Variants in PC observed in about 807,000 individuals in gnomAD.
PC encodes pyruvate carboxylase, mitochondrial.
Under a neutral mutation model 107.8 loss-of-function variants are expected in PC, and 46 were observed. The ratio of observed to expected loss-of-function variants is 0.43; its 90% confidence interval spans 0.34 to 0.55. The LOEUF is 0.55. Ranked by LOEUF, PC falls within the 20% of genes least tolerant of loss-of-function variation. The pLI is 0.04. For missense variants in PC, 1,241 were observed against 1,643.1 expected, an observed-to-expected ratio of 0.76 and a Z score of 4.23; for synonymous variants, 662 against 684.7, an observed-to-expected ratio of 0.97 and a Z score of 0.52.
At chr11:66,951,940 G>A (rs1397069977) in intron 3 of PC, among the ~76,000 whole-genome samples, 1 of 151,894 alleles carries the variant, frequency 6.6e-6, no homozygotes, top group Non-Finnish European at 1.5e-5. Context: ...GCACATGCCT[G>A]TAAAATGTGC....
Position 66,850,362 on chromosome 11 carries a change from G to A in PC, c.2576C>T (p.Ser859Leu). The change falls in exon 19 of 23, where the codon TCG (serine) becomes TTG (leucine). Residue 859 changes from serine to leucine, a missense_variant. Ser to Leu is a moderately radical substitution (Grantham distance 145). Transcript: ENST00000393960. The part of the protein sequence containing the change: ...DCTATMKSGN[S>L]DVYENEIPGG... ...TGGGATCTCATTTTCATACACGTCCGAGTTGCCAGACTTCATGGTGGCCGT... is the reference window on the plus strand; with the variant it reads ...TGGGATCTCATTTTCATACACGTCCAAGTTGCCAGACTTCATGGTGGCCGT... 2 of 1,614,082 alleles carry A rather than the reference G, an allele frequency of 1.2e-6. No homozygotes were observed. Among genetic ancestry groups the A allele is most frequent in the Non-Finnish European group, 1.7e-6 (2 of 1,180,022 alleles).
intron 3 of PC, among the ~76,000 whole-genome samples, chr11:66,939,672 C>T (rs1362225158): frequency 2.0e-5 from 3 of 151,802 alleles, no homozygotes; most frequent in Non-Finnish European, 2.9e-5. Flanking sequence ...GGTGTGGTGG[C>T]GCATGCCTGT....
rs943069904 is a variant in PC, at chr11:66,870,562, G to A, written c.752-109C>T. 7.5e-6 allele frequency: 10 copies of A among 1,331,462 alleles called. No individual in the cohort carries two copies. Among genetic ancestry groups the A allele is most frequent in the Middle Eastern group, 1.8e-4 (1 of 5,560 alleles). 82.5% of individuals were successfully genotyped at this position (1,331,462 alleles called of 1,614,324 possible). A position where few individuals can be genotyped will look rare whatever the true frequency, so the allele number is the denominator to read the frequency against. ...TCGCCAGTCAGTGCCGGCTGCCAGC[G>A]GTACAGAGGCTGCCAGGAGAGACAC... On this transcript the variant is annotated intron_variant, in intron 8 of 22. Coordinates refer to ENST00000393960, the MANE Select transcript of PC (RefSeq NM_001040716.2). The surrounding 1 kb of genome is among the most constrained non-coding windows in gnomAD (Gnocchi z 6.1).
chr11:66,890,393 C>CT (rs1565265010), intron 3 of PC, among the ~76,000 whole-genome samples: 1 of 130,564 alleles, frequency 7.7e-6, no homozygotes. Context: ...GATTGTTTCC[C>CT]ATTTTTTTTT....
Position 66,870,679 on chromosome 11 carries a change from G to T in PC, c.751+96C>A. 1 of 1,306,314 alleles carries T rather than the reference G, an allele frequency of 7.7e-7. No homozygotes were observed. Among genetic ancestry groups the T allele is most frequent in the Non-Finnish European group, 1.1e-6 (1 of 912,226 alleles). 80.9% of individuals were successfully genotyped at this position (1,306,314 alleles called of 1,614,324 possible). On this transcript the variant is annotated intron_variant, in intron 8 of 22. Transcript: ENST00000393960. This position sits in a 1 kb window ranked among gnomAD's most constrained non-coding sequence, Gnocchi z 6.1. ...CTGGAAAAGCGCCCGACAGGCCCCA[G>T]GGCTGTCCCCAAGGCCAGCCACTGT...
intron 3 of PC, among the ~76,000 whole-genome samples, chr11:66,939,378 C>T (rs969778398): frequency 1.7e-5 from 2 of 121,188 alleles, no homozygotes; most frequent in African/African-American, 5.9e-5. Flanking sequence ...ATTCTGGCAT[C>T]CATAGGGGGG....
intron 3 of PC, among the ~76,000 whole-genome samples, chr11:66,926,566 T>C (rs1044216446): frequency 6.6e-6 from 1 of 152,204 alleles, no homozygotes; most frequent in Admixed American, 6.5e-5. Context: ...AATTGTTTAA[T>C]ATATAGGCCT....
chr11:66,892,278 T>C (rs1048995591), intron 3 of PC, among the ~76,000 whole-genome samples: 5 of 152,114 alleles, frequency 3.3e-5, no homozygotes, highest in African/African-American at 9.7e-5. Flanking sequence ...GTCTCAGTTG[T>C]AAAACAGCCA....
chr11:66,859,201 C>T (rs931650660), intron 12 of PC: 1 of 1,328,742 alleles, frequency 7.5e-7, no homozygotes, highest in Non-Finnish European at 1.0e-6. Flanking sequence ...GCTGACACCC[C>T]CTCCCCGACC....
rs1005933948 is a variant in PC, at chr11:66,958,374, G to C, written c.-280C>G. Reference sequence around the variant, plus strand: ...CGCCTCTACCGCTGCTGCCTCCACTGACAGAGAACAGCTGCGGTCTCCGTG... The same window carrying C: ...CGCCTCTACCGCTGCTGCCTCCACTCACAGAGAACAGCTGCGGTCTCCGTG... On this transcript the variant is annotated 5_prime_UTR_variant, in exon 1 of 23. Transcript: ENST00000393960. 1 of 152,654 alleles carries C rather than the reference G, an allele frequency of 6.6e-6. No individual in the cohort carries two copies. Among genetic ancestry groups the C allele is most frequent in the African/African-American group, 2.4e-5 (1 of 41,466 alleles). The allele number at this position is 152,654 out of a possible 1,614,324, so 9.5% of individuals were successfully genotyped here. A position where few individuals can be genotyped will look rare whatever the true frequency, so the allele number is the denominator to read the frequency against.
At chr11:66,851,468 C>T (rs2135806220) in intron 16 of PC, among the ~76,000 whole-genome samples, 188 bp from the exon 17 acceptor site, 1 of 152,288 alleles carries the variant, frequency 6.6e-6, no homozygotes, top group South Asian at 2.1e-4. Context: ...GGAGGATCAG[C>T]TAGGCCAGTG....
At chr11:66,956,246 C>T (rs1233999905) in intron 1 of PC, among the ~76,000 whole-genome samples, 1 of 152,146 alleles carries the variant, frequency 6.6e-6, no homozygotes, top group Non-Finnish European at 1.5e-5. Context: ...CCACATTCTC[C>T]TTCCACCTTC....
intron 3 of PC, among the ~76,000 whole-genome samples, chr11:66,921,327 A>G (rs1001691615): frequency 6.6e-6 from 1 of 152,204 alleles, no homozygotes; most frequent in African/African-American, 2.4e-5. Context: ...CAGGGAGGAA[A>G]TAAAAGGAAA....
Position 66,872,088 on chromosome 11 carries a change from A to G in PC, c.72T>C (p.Ala24=), listed in dbSNP as rs1390335157. 3 of 1,569,270 alleles carry G rather than the reference A, an allele frequency of 1.9e-6. No individual in the cohort carries two copies. Among genetic ancestry groups the G allele is most frequent in the Non-Finnish European group, 8.6e-7 (1 of 1,157,482 alleles). Residue 24 remains alanine, a synonymous_variant, in exon 4 of 23, where the codon GCT becomes GCC. Transcript: ENST00000393960. The part of the protein sequence containing the change: ...LGIRRTSTAP[A]ASPNVRRLEY... ...CCAGGCGCCGGACATTTGGGGAGGC[A>G]GCGGGGGCGGTGGAGGTTCGGCGGA...
At chr11:66,903,771 A>AT (rs1194041066) in intron 3 of PC, among the ~76,000 whole-genome samples, 162 of 81,582 alleles carry the variant, frequency 2.0e-3, no homozygotes, top group Middle Eastern at 7.9e-3. Context: ...AAAAAAAAAA[A>AT]AAATATATAT....
At position 66,858,572 on chromosome 11, in the gene PC, C is replaced by T. The variant is rs1946025913; in HGVS notation, c.1369-5189G>A. 2.0e-6 allele frequency: 3 copies of T among 1,532,534 alleles called. No individual in the cohort carries two copies. Among genetic ancestry groups the T allele is most frequent in the Non-Finnish European group, 2.6e-6 (3 of 1,143,630 alleles). The allele number at this position is 1,532,534 out of a possible 1,614,324, so 94.9% of individuals were successfully genotyped here. On this transcript the variant is annotated intron_variant, in intron 12 of 22. Transcript: ENST00000393960. This position sits in a 1 kb window ranked among gnomAD's most constrained non-coding sequence, Gnocchi z 5.9. ...TCTGGGCAGTGCCCGAGGGCGAGTTCTCCTGTGAGCCGCCCCTCATTGCCC... is the reference window on the plus strand; with the variant it reads ...TCTGGGCAGTGCCCGAGGGCGAGTTTTCCTGTGAGCCGCCCCTCATTGCCC...
intron 3 of PC, among the ~76,000 whole-genome samples, chr11:66,887,708 G>A (rs569259522): frequency 7.9e-5 from 12 of 152,306 alleles, no homozygotes; most frequent in East Asian, 1.9e-4. Context: ...AAAGTCTCCC[G>A]GGACTGAAGG....
chr11:66,915,521 G>A (rs1948443804), intron 3 of PC, among the ~76,000 whole-genome samples: 1 of 152,226 alleles, frequency 6.6e-6, no homozygotes, highest in South Asian at 2.1e-4. Flanking sequence ...GTAGAGCAAA[G>A]GCAAGTCTCC....
chr11:66,930,199 A>G (rs930336799), intron 3 of PC, among the ~76,000 whole-genome samples: 3 of 150,556 alleles, frequency 2.0e-5, no homozygotes, highest in Admixed American at 2.0e-4. Context: ...AGGTAGAAAA[A>G]CAAAAAACTC....
Sources: allele counts gnomAD v4.1 joint callset (sites outside exome capture counted in the v4.1 genomes callset), GRCh38; gene constraint gnomAD v4.1.1; non-coding constraint Gnocchi (gnomAD v3.1); transcripts MANE v1.5; gene names NCBI Gene and HGNC (gene_info 2026-07-23, HGNC 2026-07-21).